PRB3: variants seen among roughly 807,000 people sequenced by gnomAD.
The protein encoded by PRB3 is basic salivary proline-rich protein 3.
A neutral mutation model predicts 10.0 loss-of-function variants in PRB3; 9 were observed. The observed-to-expected ratio is 0.90, with a 90% confidence interval of 0.54 to 1.57. The LOEUF (loss-of-function observed/expected upper bound fraction) is 1.57, where lower values mean the gene tolerates loss of function less well. PRB3 is among the 40% of genes most tolerant of loss of function. The probability of loss-of-function intolerance (pLI) is 0.00; values close to 1 mark genes in which losing one functional copy is unlikely to be tolerated. For synonymous variants in PRB3, 89 were observed against 138.6 expected (o/e 0.64, Z 2.52); for missense variants, 285 against 385.5 (o/e 0.74, Z 2.18).
Position 11,268,653 on chromosome 12 carries a change from TC to T in PRB3, c.79del (p.Glu27AsnfsTer5), listed in dbSNP as rs1481395343. On this transcript the variant is annotated frameshift_variant, in exon 2 of 4. Transcript: ENST00000538488. LOFTEE classifies it high-confidence loss of function. ...QSLNEDVSQE[E>X]SPSVISGKPE... is the part of the protein sequence containing the mutation. ...TTTACCTGATATTACGGAGGGAGATTCTTCCTGGCTGACATCTAGAAGAGAA... is the reference window on the plus strand; with the variant it reads ...TTTACCTGATATTACGGAGGGAGATTTTCCTGGCTGACATCTAGAAGAGAA... 1.1e-5 allele frequency: 17 copies of T among 1,612,960 alleles called. No individual in the cohort carries two copies. In the Admixed American group the frequency reaches 2.3e-4, roughly 22 times the overall value.
At chr12:11,268,808 T>A in intron 1 of PRB3, 140 bp from the exon 2 acceptor site, 2 of 1,071,428 alleles carry the variant, frequency 1.9e-6, no homozygotes, top group Middle Eastern at 2.5e-4. Flanking sequence ...TCTGTGAAGC[T>A]GCTGGAAGGG....
intron 1 of PRB3, 131 bp downstream of exon 1, chr12:11,269,475 T>G (rs1035671499): frequency 6.6e-6 from 7 of 1,061,788 alleles, no homozygotes; most frequent in Non-Finnish European, 1.0e-5. Context: ...GCACAACAGG[T>G]CTCCTGATCC....
chr12:11,268,342 T>C (rs1298610015), intron 2 of PRB3, among the ~76,000 whole-genome samples, 194 bp from the exon 3 acceptor site: 2 of 151,676 alleles, frequency 1.3e-5, no homozygotes, highest in African/African-American at 4.8e-5. Context: ...TAAGGAGGAG[T>C]CAGAATAAGG....
In PRB3 at chr12:11,267,992, C is replaced by T. The variant is rs764834666; in HGVS notation, c.257G>A (p.Gly86Glu). Residue 86 changes from glycine to glutamate, a missense_variant, in exon 3 of 4, where the codon GGA becomes GAA. This residue lies in a region of PRB3 where 147 missense variants were observed against 129.4 expected (regional missense o/e 1.14). Transcript: ENST00000538488. ...GKPEGPPPQG[G>E]NQSQGPPPRP... ...AGGTGGGGGACCTTGGGACTGGTTT[C>T]CTCCTTGTGGGGGTGGTCCTTCTGG... 4 of 1,590,316 alleles carry T rather than the reference C, an allele frequency of 2.5e-6. No individual in the cohort carries two copies. The highest frequency in any genetic ancestry group is 3.4e-6 in the Non-Finnish European group (4 of 1,167,394).
chr12:11,268,053 T>C lies in PRB3; in HGVS notation c.196A>G (p.Asn66Asp), dbSNP rs768879752. ...KPEGRPPQGG[N>D]QSQGPPPRPG... Reference sequence around the variant, plus strand: ...CGAGGTGGGGGACCTTGGGACTGGTTGCCTCCTTGTGGGGGTCGTCCTTCT... The same window carrying C: ...CGAGGTGGGGGACCTTGGGACTGGTCGCCTCCTTGTGGGGGTCGTCCTTCT... Residue 66 changes from asparagine (N) to aspartate (D), a missense_variant, in exon 3 of 4, where the codon AAC becomes GAC. Physicochemically the swap from Asn to Asp is conservative, Grantham distance 23 (BLOSUM62 1). Transcript: ENST00000538488. The C allele has an allele frequency of 6.3e-7, 1 of 1,599,938 alleles. No homozygotes were observed. Among genetic ancestry groups the C allele is most frequent in the East Asian group, 2.3e-5 (1 of 43,744 alleles).
At position 11,267,965 on chromosome 12, in the gene PRB3, C is replaced by A; in HGVS notation, c.284G>T (p.Arg95Leu). Residue 95 changes from arginine (R) to leucine (L), a missense_variant, in exon 3 of 4, where the codon CGT becomes CTT. Arg to Leu is a moderately radical substitution (Grantham distance 102, BLOSUM62 -2). Coordinates refer to ENST00000538488, the MANE Select transcript of PRB3 (RefSeq NM_001394862.1). Reference protein sequence around the residue: ...GGNQSQGPPPRPGKPEGQPPQ... With the variant: ...GGNQSQGPPPLPGKPEGQPPQ... ...GGGTTGTCCTTCTGGCTTTCCCGGA[C>A]GAGGTGGGGGACCTTGGGACTGGTT... 1 of 1,481,340 alleles carries A rather than the reference C, an allele frequency of 6.8e-7. No homozygotes were observed. The highest frequency in any genetic ancestry group is 9.0e-7 in the Non-Finnish European group (1 of 1,117,192). 91.8% of individuals were successfully genotyped at this position (1,481,340 alleles called of 1,614,324 possible).
chr12:11,268,794 AC>A, intron 1 of PRB3, 126 bp from the exon 2 acceptor site: 1 of 1,148,282 alleles, frequency 8.7e-7, no homozygotes, highest in Non-Finnish European at 1.3e-6. Context: ...CTCATCAGCT[AC>A]CATCTGTGAA....
Position 11,268,682 on chromosome 12 carries a change from A to T in PRB3, c.65-14T>A, listed in dbSNP as rs749793970. The T allele has an allele frequency of 6.8e-6, 11 of 1,612,596 alleles. No homozygotes were observed. Among genetic ancestry groups the T allele is most frequent in the Non-Finnish European group, 9.3e-6 (11 of 1,178,678 alleles). On this transcript the variant is annotated splice_polypyrimidine_tract_variant and intron_variant, in intron 1 of 3. Transcript: ENST00000538488. Reference sequence around the variant, plus strand: ...CCTGGCTGACATCTAGAAGAGAAGCACAGGATGATGGGAAAGGTTACATCT... The same window carrying T: ...CCTGGCTGACATCTAGAAGAGAAGCTCAGGATGATGGGAAAGGTTACATCT...
chr12:11,267,391 T>C lies in PRB3; in HGVS notation c.858A>G (p.Gly286=). 6.3e-7 allele frequency: 1 copy of C among 1,595,968 alleles called. No individual in the cohort carries two copies. Among genetic ancestry groups the C allele is most frequent in the South Asian group, 1.1e-5 (1 of 90,474 alleles). ...NKPQGPPPHP[G]KPQGPPPQEG... is the part of the protein sequence containing the mutation. ...CTTGTGGGGGTGGTCCTTGTGGCTT[T>C]CCTGGATGAGGTGGGGGACCTTGAG... Residue 286 remains glycine, a synonymous_variant, in exon 3 of 4, where the codon GGA becomes GGG. Transcript: ENST00000538488.
Position 11,267,189 on chromosome 12 carries a change from T to G in PRB3, c.*4A>C. 1 of 1,608,356 alleles carries G rather than the reference T, an allele frequency of 6.2e-7. No individual in the cohort carries two copies. The highest frequency in any genetic ancestry group is 8.5e-7 in the Non-Finnish European group (1 of 1,174,790). ...CTGGAATCATACCTGTCATTGAACC[T>G]TGATTACTGGGGAGGCTGTCCCTGG... On this transcript the variant is annotated 3_prime_UTR_variant, in exon 3 of 4. Transcript: ENST00000538488.
At chr12:11,268,497 G>A (rs1053925585) in intron 2 of PRB3, 136 bp downstream of exon 2, 2 of 1,238,150 alleles carry the variant, frequency 1.6e-6, no homozygotes, top group Admixed American at 3.5e-5. Context: ...GTTGCATGAA[G>A]ATTGCCTGCA....
At chr12:11,268,596 G>A (rs1948619954) in intron 2 of PRB3, 37 bp downstream of exon 2, 1 of 1,575,586 alleles carries the variant, frequency 6.3e-7, no homozygotes, top group Admixed American at 1.7e-5. Flanking sequence ...AGCAGAAGAA[G>A]ATAGTTAAAA....
Position 11,268,639 on chromosome 12 carries a change from T to C in PRB3, c.94A>G (p.Ile32Val). ...DVSQEESPSV[I>V]SGKPEGRRPQ... is the part of the protein sequence containing the mutation. Reference sequence around the variant, plus strand: ...AGAGTGAATTGGGATTTACCTGATATTACGGAGGGAGATTCTTCCTGGCTG... The same window carrying C: ...AGAGTGAATTGGGATTTACCTGATACTACGGAGGGAGATTCTTCCTGGCTG... The change falls in exon 2 of 4, where the codon ATA becomes GTA. Residue 32 changes from isoleucine (I) to valine (V), a missense_variant. Ile to Val is a conservative substitution (Grantham distance 29). This residue lies in a region of PRB3 where 147 missense variants were observed against 129.4 expected (regional missense o/e 1.14). Transcript: ENST00000538488. The C allele has an allele frequency of 6.2e-7, 1 of 1,611,686 alleles. No homozygotes were observed.
At position 11,269,657 on chromosome 12, in the gene PRB3, G is replaced by T. The variant is rs749265782; in HGVS notation, c.13C>A (p.Leu5Met). 5 of 1,613,998 alleles carry T rather than the reference G, an allele frequency of 3.1e-6. No homozygotes were observed. Among genetic ancestry groups the T allele is most frequent in the Non-Finnish European group, 4.2e-6 (5 of 1,179,972 alleles). The change falls in exon 1 of 4, where the codon CTG (leucine) becomes ATG (methionine). Residue 5 changes from leucine to methionine, a missense_variant. Around this residue, in one of 3 missense-constraint regions of PRB3, gnomAD observed 147 missense variants for 129.4 expected, o/e 1.14. Coordinates refer to ENST00000538488, the MANE Select transcript of PRB3 (RefSeq NM_001394862.1). ...AGGGCCAGCAGGGCCACCGACAGCA[G>T]AATCAGTAGCATCTTGCTGGAGGCT... MLLI[L>M]LSVALLALSS...
chr12:11,267,274 G>T lies in PRB3; in HGVS notation c.975C>A (p.Pro325=). The change falls in exon 3 of 4, where the codon CCC becomes CCA. Residue 325 remains proline (P), a synonymous_variant. Transcript: ENST00000538488. ...GAGGTGGTCCCTGGGGCTTTCCAGC[G>T]GGAGGTGGCAGAGGCTGCTGGGGAT... is the stretch of plus-strand genomic sequence containing the variant. The part of the protein sequence containing the change: ...GGNPQQPLPP[P]AGKPQGPPPP... The T allele has an allele frequency of 6.2e-7, 1 of 1,613,404 alleles. No homozygotes were observed. The highest frequency in any genetic ancestry group is 8.5e-7 in the Non-Finnish European group (1 of 1,179,580).
At chr12:11,266,953 A>T (rs1260337063) in intron 3 of PRB3, among the ~76,000 whole-genome samples, 3 of 152,312 alleles carry the variant, frequency 2.0e-5, no homozygotes, top group Middle Eastern at 6.8e-3. Flanking sequence ...ACAATTTAAG[A>T]CAGATTGTAT....
At position 11,268,113 on chromosome 12, in the gene PRB3, G is replaced by A; in HGVS notation, c.136C>T (p.Gln46Ter). ...PEGRRPQGGN[Q>*]PQRTPPPPGK... ...GGAGGAGGTGGGGTACGTTGGGGCT[G>A]GTTTCCTCCTTGTGGGCGTCGTCCT... Residue 46 changes from glutamine (Q) to a stop codon, truncating the protein, a stop_gained, in exon 3 of 4, where the codon CAG (glutamine) becomes TAG (stop). Coordinates refer to ENST00000538488, the MANE Select transcript of PRB3 (RefSeq NM_001394862.1). LOFTEE classifies it high-confidence loss of function. 1 of 1,561,694 alleles carries A rather than the reference G, an allele frequency of 6.4e-7. No individual in the cohort carries two copies. The highest frequency in any genetic ancestry group is 8.7e-7 in the Non-Finnish European group (1 of 1,146,784).
At chr12:11,268,580 T>C (rs1045262864) in intron 2 of PRB3, 53 bp downstream of exon 2, 1 of 1,548,736 alleles carries the variant, frequency 6.5e-7, no homozygotes, top group Non-Finnish European at 8.9e-7. Context: ...AACTGATCCA[T>C]TCATAAGCAG....
rs1313645829 is a variant in PRB3, at chr12:11,268,826, G to T, written c.65-158C>A. The T allele has an allele frequency of 4.3e-6, 4 of 930,100 alleles. No individual in the cohort carries two copies. The Admixed American group carries it at 5.3e-5, about 12-fold the overall frequency. 57.6% of individuals were successfully genotyped at this position (930,100 alleles called of 1,614,324 possible). A position where few individuals can be genotyped will look rare whatever the true frequency, so the allele number is the denominator to read the frequency against. ...GTGAAGCTGCTGGAAGGGGAGGAAG[G>T]TGTAAGGGGAGGCAGGGTTGTTACC... On this transcript the variant is annotated intron_variant, in intron 1 of 3. Coordinates refer to ENST00000538488, the MANE Select transcript of PRB3 (RefSeq NM_001394862.1).
Sources: allele counts gnomAD v4.1 joint callset (sites outside exome capture counted in the v4.1 genomes callset), GRCh38; gene constraint gnomAD v4.1.1; regional missense constraint gnomAD v4.1.1; transcripts MANE v1.5; gene names NCBI Gene and HGNC (gene_info 2026-07-23, HGNC 2026-07-21).